The following AKAP19 variants were observed in gnomAD, a reference collection of about 807,000 sequenced individuals.
AKAP19 encodes A-kinase anchoring protein 19.
the AKAP19 span, among the ~76,000 whole-genome samples, chr2:190,151,335 G>A: frequency 0.95 from 144,146 of 152,254 alleles, 68,755 homozygotes; most frequent in East Asian, 1. Flanking sequence ...CTCCGCATGC[G>A]TTAGCTATTT....
chr2:190,129,156 T>A, the AKAP19 span, among the ~76,000 whole-genome samples: 1 of 152,216 alleles, frequency 6.6e-6, no homozygotes, highest in African/African-American at 2.4e-5. Flanking sequence ...CCTCATTTTT[T>A]AATAGCTGTA....
At chr2:190,008,186 C>A in the AKAP19 span, among the ~76,000 whole-genome samples, 30 of 152,268 alleles carry the variant, frequency 2.0e-4, no homozygotes, top group East Asian at 5.6e-3. Flanking sequence ...AGATGAAACT[C>A]ACTAATAAGA....
the AKAP19 span, among the ~76,000 whole-genome samples, chr2:190,054,958 T>C: frequency 3.3e-5 from 5 of 152,172 alleles, no homozygotes; most frequent in African/African-American, 7.2e-5. Flanking sequence ...TACCATTTGA[T>C]CCAGCAATCC....
the AKAP19 span, among the ~76,000 whole-genome samples, chr2:190,003,683 G>C: frequency 1.3e-5 from 2 of 152,074 alleles, no homozygotes; most frequent in African/African-American, 4.8e-5. Flanking sequence ...GTCCAACACG[G>C]AGAAACCCCG....
At chr2:189,970,894 G>A in the AKAP19 span, among the ~76,000 whole-genome samples, 1 of 152,166 alleles carries the variant, frequency 6.6e-6, no homozygotes, top group East Asian at 1.9e-4. Flanking sequence ...AAACAATATC[G>A]CCCTATGGCT....
the AKAP19 span, among the ~76,000 whole-genome samples, chr2:190,045,464 G>A: frequency 1.3e-5 from 2 of 152,282 alleles, no homozygotes; most frequent in African/African-American, 4.8e-5. Flanking sequence ...GCCCAGCGAG[G>A]AGGAATGGGA....
chr2:190,065,123 G>A, the AKAP19 span, among the ~76,000 whole-genome samples: 6 of 151,982 alleles, frequency 3.9e-5, no homozygotes, highest in East Asian at 7.7e-4. Context: ...TCTATTTAGT[G>A]CCATGTTTTC....
the AKAP19 span, among the ~76,000 whole-genome samples, chr2:190,050,461 G>C: frequency 6.6e-6 from 1 of 152,220 alleles, no homozygotes; most frequent in South Asian, 2.1e-4. Context: ...CTAATGTACA[G>C]TGTAGAGTGT....
the AKAP19 span, chr2:190,059,945 G>T: frequency 9.2e-7 from 1 of 1,081,396 alleles, no homozygotes. Flanking sequence ...GTTGGGGTAA[G>T]ATACCTTTGT....
the AKAP19 span, among the ~76,000 whole-genome samples, chr2:190,011,999 C>T: frequency 5.3e-5 from 8 of 151,948 alleles, no homozygotes; most frequent in African/African-American, 1.4e-4. Flanking sequence ...ATAGGGATTA[C>T]GTTTAATCTG....
the AKAP19 span, among the ~76,000 whole-genome samples, chr2:190,048,277 G>A: frequency 4.8e-3 from 730 of 152,162 alleles, 8 homozygotes; most frequent in Non-Finnish European, 7.4e-3. Context: ...AAACTATGAC[G>A]GCATGTAACA....
chr2:189,947,495 A>G, the AKAP19 span, among the ~76,000 whole-genome samples: 1 of 152,160 alleles, frequency 6.6e-6, no homozygotes, highest in African/African-American at 2.4e-5. Context: ...TGAAAAGGCA[A>G]TAATGACACT....
the AKAP19 span, among the ~76,000 whole-genome samples, chr2:189,999,421 C>A: frequency 6.6e-6 from 1 of 151,698 alleles, no homozygotes; most frequent in African/African-American, 2.4e-5. Flanking sequence ...AAATAGAATT[C>A]TTTTGTGTCA....
the AKAP19 span, among the ~76,000 whole-genome samples, chr2:190,108,450 C>T: frequency 6.6e-6 from 1 of 152,218 alleles, no homozygotes; most frequent in Non-Finnish European, 1.5e-5. Context: ...GCCACTATGC[C>T]CGGCCCAAAA....
the AKAP19 span, among the ~76,000 whole-genome samples, chr2:190,194,563 GTTAT>G: frequency 6.6e-6 from 1 of 150,956 alleles, no homozygotes; most frequent in Non-Finnish European, 1.5e-5. Context: ...TGAAATCCAC[GTTAT>G]TTTAGGGTTC....
At chr2:189,970,694 C>T in the AKAP19 span, among the ~76,000 whole-genome samples, 13 of 152,320 alleles carry the variant, frequency 8.5e-5, no homozygotes, top group East Asian at 2.5e-3. Context: ...TTCCACAAAT[C>T]TCCTAGGCAA....
the AKAP19 span, among the ~76,000 whole-genome samples, chr2:190,187,729 C>A: frequency 1.3e-5 from 2 of 152,068 alleles, no homozygotes; most frequent in Non-Finnish European, 2.9e-5. Context: ...TGGCACGTGC[C>A]TATAGTCGCA....
the AKAP19 span, chr2:190,056,349 G>C: frequency 2.6e-5 from 4 of 152,494 alleles, no homozygotes; most frequent in African/African-American, 9.7e-5. Context: ...TATTGATAGA[G>C]TCGATCATTT....
chr2:190,178,453 C>T, the AKAP19 span, among the ~76,000 whole-genome samples: 5 of 152,340 alleles, frequency 3.3e-5, no homozygotes, highest in South Asian at 1.0e-3. This position sits in a 1 kb window ranked among gnomAD's most constrained non-coding sequence, Gnocchi z 6.3. Flanking sequence ...GTGCGGTCTC[C>T]CCACCAGCCC....
Sources: gnomAD v4.1 joint callset for allele counts (sites outside exome capture counted in the v4.1 genomes callset) on GRCh38, gnomAD v4.1.1 for gene constraint, Gnocchi (gnomAD v3.1) non-coding constraint, MANE v1.5 for transcripts, NCBI Gene and HGNC (gene_info 2026-07-23, HGNC 2026-07-21) for gene names.